The following TMLHE variants were observed in gnomAD, a reference collection of about 807,000 sequenced individuals.
The protein encoded by TMLHE is trimethyllysine hydroxylase, epsilon, also known as trimethyllysine dioxygenase, mitochondrial.
In TMLHE, 18 loss-of-function variants were observed where a neutral mutation model predicts 25.7. That is an observed-to-expected ratio of 0.70 (90% confidence interval 0.48 to 1.04). The LOEUF (loss-of-function observed/expected upper bound fraction) is 1.04, where lower values mean the gene tolerates loss of function less well. Among genes scored for constraint, TMLHE ranks in the 50% least tolerant of loss-of-function variants. TMLHE has a pLI of 0.00. For synonymous variants in TMLHE, 105 were observed against 97.0 expected, an observed-to-expected ratio of 1.08 and a Z score of -0.49; for missense variants, 236 against 259.0, an observed-to-expected ratio of 0.91 and a Z score of 0.61.
At chrX:155,590,941 A>T (rs1331241972) in intron 1 of TMLHE, among the ~76,000 whole-genome samples, 6 of 111,453 alleles carry the variant, frequency 5.4e-5, no homozygotes, top group African/African-American at 1.9e-4. Flanking sequence ...ACACTAGATG[A>T]AAAAATATAT....
chrX:155,586,247 TG>T (rs1312336774), intron 1 of TMLHE, among the ~76,000 whole-genome samples: 2 of 105,812 alleles, frequency 1.9e-5, no homozygotes, highest in East Asian at 5.8e-4. Flanking sequence ...AAAAAATCCA[TG>T]GTTATTAAAC....
intron 1 of TMLHE, among the ~76,000 whole-genome samples, chrX:155,581,168 G>A (rs1251609422): frequency 9.0e-6 from 1 of 111,342 alleles, no homozygotes; most frequent in Non-Finnish European, 1.9e-5. Context: ...GTGATGGAAC[G>A]TATCTCAAAA....
chrX:155,597,125 A>G (rs2067726107), intron 1 of TMLHE, among the ~76,000 whole-genome samples: 1 of 99,816 alleles, frequency 1.0e-5, no homozygotes, highest in Non-Finnish European at 2.0e-5. Context: ...GAGAACATGC[A>G]GTGTTTGGTT....
intron 5 of TMLHE, 87 bp downstream of exon 5, chrX:155,511,586 G>A (rs1557333580): frequency 2.9e-5 from 28 of 952,133 alleles, no homozygotes; most frequent in Non-Finnish European, 1.4e-5. Context: ...ATATGATCTT[G>A]GTTCGAACAG....
chrX:155,531,238 A>G (rs1557337038), intron 2 of TMLHE, among the ~76,000 whole-genome samples: 2 of 112,153 alleles, frequency 1.8e-5, no homozygotes, highest in African/African-American at 3.2e-5. Flanking sequence ...TTGCATCATT[A>G]TAGAGAAATA....
At chrX:155,515,791 A>T (rs1356300020) in intron 3 of TMLHE, among the ~76,000 whole-genome samples, 1 of 110,514 alleles carries the variant, frequency 9.0e-6, no homozygotes, top group Non-Finnish European at 1.9e-5. Context: ...ACTATGGTTG[A>T]TGAGTCAAAT....
chrX:155,561,444 G>C lies in TMLHE; in HGVS notation c.-1-16167C>G, dbSNP rs782727928. ...CCTCTAACATTGGGGATTACAATTA[G>C]ACATGAGACTTGGGTGGGGACATAC... On this transcript the variant is annotated intron_variant, in intron 1 of 7. Coordinates refer to ENST00000334398, the MANE Select transcript of TMLHE (RefSeq NM_018196.4). Among the ~76,000 whole-genome samples the C allele has an allele frequency of 4.4e-4, 27 of 60,945 alleles. 3 individuals carry two copies. Among genetic ancestry groups the C allele is most frequent in the African/African-American group, 7.6e-4 (21 of 27,513 alleles). 52.9% of individuals were successfully genotyped at this position (60,945 alleles called of 115,157 possible). A position where few individuals can be genotyped will look rare whatever the true frequency, so the allele number is the denominator to read the frequency against.
chrX:155,547,255 C>T (rs922038369), intron 1 of TMLHE, among the ~76,000 whole-genome samples: 16 of 91,192 alleles, frequency 1.8e-4, no homozygotes, highest in Non-Finnish European at 3.2e-4. Flanking sequence ...CGCCATTCTC[C>T]TGCCTCAGCC....
At chrX:155,507,204 A>G (rs1216489200) in intron 5 of TMLHE, 70 bp from the exon 6 acceptor site, 4 of 688,017 alleles carry the variant, frequency 5.8e-6, no homozygotes, top group Admixed American at 6.0e-5. Flanking sequence ...GAAATTATAT[A>G]TAAAATGATT....
chrX:155,516,171 C>A (rs2067154605), intron 3 of TMLHE, among the ~76,000 whole-genome samples: 2 of 41,076 alleles, frequency 4.9e-5, no homozygotes, highest in South Asian at 3.8e-3. Context: ...TCCCCCCTCC[C>A]CCGACCCCAC....
At chrX:155,594,308 G>A (rs1273560623) in intron 1 of TMLHE, among the ~76,000 whole-genome samples, 1 of 111,569 alleles carries the variant, frequency 9.0e-6, no homozygotes, top group Non-Finnish European at 1.9e-5. Flanking sequence ...GTGCCAAAGT[G>A]GGGAGGGGGA....
chrX:155,582,950 A>C (rs1319092474), intron 1 of TMLHE, among the ~76,000 whole-genome samples: 15 of 112,699 alleles, frequency 1.3e-4, no homozygotes, highest in African/African-American at 4.8e-4. Flanking sequence ...AGACTGGATT[A>C]AGAAAATTTG....
At chrX:155,539,427 G>A (rs1446220939) in intron 2 of TMLHE, among the ~76,000 whole-genome samples, 1 of 111,292 alleles carries the variant, frequency 9.0e-6, no homozygotes, top group Non-Finnish European at 1.9e-5. Context: ...GGGAACTCCT[G>A]AATAGAAACT....
chrX:155,589,653 A>T (rs1002700500), intron 1 of TMLHE, among the ~76,000 whole-genome samples: 1 of 111,770 alleles, frequency 8.9e-6, no homozygotes, highest in African/African-American at 3.3e-5. Context: ...GGGAGAAGTG[A>T]TATAGAAAGA....
chrX:155,537,246 G>A (rs1221022014), intron 2 of TMLHE, among the ~76,000 whole-genome samples: 1 of 111,924 alleles, frequency 8.9e-6, no homozygotes, highest in Non-Finnish European at 1.9e-5. Context: ...TGTTAGGATA[G>A]TTACCTCCTC....
chrX:155,549,315 T>C (rs977469611), intron 1 of TMLHE, among the ~76,000 whole-genome samples: 1 of 110,722 alleles, frequency 9.0e-6, no homozygotes, highest in Non-Finnish European at 1.9e-5. Flanking sequence ...GAAAACATTC[T>C]AGTTTCATGA....
At chrX:155,578,080 G>A (rs2067602581) in intron 1 of TMLHE, among the ~76,000 whole-genome samples, 3 of 111,447 alleles carry the variant, frequency 2.7e-5, no homozygotes, top group African/African-American at 9.8e-5. Flanking sequence ...GATGGGGGAG[G>A]CCTGGCACTT....
chrX:155,548,695 ACT>A (rs2067385907), intron 1 of TMLHE, among the ~76,000 whole-genome samples: 1 of 107,979 alleles, frequency 9.3e-6, no homozygotes, highest in Admixed American at 9.8e-5. Context: ...AGATTGTGCC[ACT>A]GCACTCCAGC....
chrX:155,603,924 C>A (rs1264362726), intron 1 of TMLHE, among the ~76,000 whole-genome samples: 3 of 112,267 alleles, frequency 2.7e-5, no homozygotes, highest in Non-Finnish European at 5.6e-5. Flanking sequence ...TGGACTTTAT[C>A]AAAAATAAAG....
Sources: allele counts gnomAD v4.1 joint callset (sites outside exome capture counted in the v4.1 genomes callset), GRCh38; gene constraint gnomAD v4.1.1; transcripts MANE v1.5; gene names NCBI Gene and HGNC (gene_info 2026-07-23, HGNC 2026-07-21).